The following ZNF880 variants were observed in gnomAD, a reference collection of about 807,000 sequenced individuals.
ZNF880 encodes zinc finger protein 880.
ZNF880 carries 12 observed loss-of-function variants against 11.8 expected under a neutral mutation model. That is an observed-to-expected ratio of 1.02 (90% CI 0.65 to 1.65). The LOEUF (loss-of-function observed/expected upper bound fraction) is 1.65. ZNF880 is among the 40% of genes most tolerant of loss of function. The pLI is 0.00. For synonymous variants in ZNF880, 210 were observed against 232.4 expected, an observed-to-expected ratio of 0.90 and a Z score of 0.88; for missense variants, 601 against 673.9, an observed-to-expected ratio of 0.89 and a Z score of 1.20.
In ZNF880 at chr19:52,373,192, T is replaced by C. The variant is rs201475417; in HGVS notation, c.94T>C (p.Tyr32His). 53 of 1,613,346 alleles carry C rather than the reference T, an allele frequency of 3.3e-5. No homozygotes were observed. In the East Asian group the frequency reaches 1.2e-3, roughly 36 times the overall value. ...KCLDPAQRTL[Y>H]REVMVENYRN... Reference sequence around the variant, plus strand: ...TCTGGACCCTGCTCAGAGGACTTTATACAGGGAAGTGATGGTGGAGAACTA... The same window carrying C: ...TCTGGACCCTGCTCAGAGGACTTTACACAGGGAAGTGATGGTGGAGAACTA... Residue 32 changes from tyrosine (Y) to histidine (H), a missense_variant, in exon 2 of 4, where the codon TAC becomes CAC. By Grantham distance (83) the Tyr-to-His change is moderately conservative. Coordinates refer to ENST00000422689, the MANE Select transcript of ZNF880 (RefSeq NM_001145434.2).
chr19:52,369,990 T>C lies in ZNF880; in HGVS notation c.12+13T>C. The stretch of plus-strand genomic sequence containing the variant: ...CATGCTGCGGCGTGTGAGTTTCCCT[T>C]TGTTTAGATTAAATCTGGGATGCTG... On this transcript the variant is annotated intron_variant, in intron 1 of 3. Coordinates refer to ENST00000422689, the MANE Select transcript of ZNF880 (RefSeq NM_001145434.2). 1 of 1,551,562 alleles carries C rather than the reference T, an allele frequency of 6.4e-7. No individual in the cohort carries two copies.
the ZNF880 span, among the ~76,000 whole-genome samples, chr19:52,395,042 G>A: frequency 1.3e-5 from 2 of 152,134 alleles, no homozygotes; most frequent in Non-Finnish European, 2.9e-5. Context: ...GATATATCCA[G>A]TAACACAGGT....
downstream of ZNF880, among the ~76,000 whole-genome samples, chr19:52,386,172 A>AAC (rs1491362921): frequency 2.4e-5 from 1 of 41,992 alleles, no homozygotes; most frequent in Non-Finnish European, 4.8e-5. Context: ...ACTCTGTCTC[A>AAC]AAAAAAAAAA....
downstream of ZNF880, among the ~76,000 whole-genome samples, chr19:52,386,395 T>C (rs1051958136): frequency 7.0e-6 from 1 of 143,390 alleles, no homozygotes; most frequent in South Asian, 2.2e-4. Context: ...GCACAGTGCT[T>C]CTGTGCTCTA....
At chr19:52,379,384 G>A in intron 3 of ZNF880, 2 of 431,262 alleles carry the variant, frequency 4.6e-6, no homozygotes, top group Non-Finnish European at 9.1e-6. Flanking sequence ...TATAAATTGG[G>A]AATTTATTTT....
At chr19:52,392,674 A>C in the ZNF880 span, 1 of 225,128 alleles carries the variant, frequency 4.4e-6, no homozygotes, top group African/African-American at 2.3e-5. Context: ...TGTCTTCCTG[A>C]CCTGAGTATT....
chr19:52,373,669 ATTTTT>A (rs35788651), intron 2 of ZNF880, among the ~76,000 whole-genome samples: 152 of 102,566 alleles, frequency 1.5e-3, no homozygotes, highest in Admixed American at 4.3e-3. Context: ...AAATACTGTA[ATTTTT>A]TTTTTTTTTT....
upstream of ZNF880, chr19:52,367,112 A>AT (rs1986140583): frequency 2.5e-5 from 3 of 117,930 alleles, no homozygotes; most frequent in Admixed American, 1.1e-4. Context: ...TAAAGTTTAA[A>AT]GTTTTTTTTT....
downstream of ZNF880, chr19:52,388,979 C>T (rs1675147043): frequency 6.6e-6 from 1 of 152,084 alleles, no homozygotes; most frequent in African/African-American, 2.4e-5. Context: ...GGGAAACTGC[C>T]CTTTATAAAA....
At chr19:52,390,019 C>CTATA (rs1038618119), downstream of ZNF880, 2 of 152,412 alleles carry the variant, frequency 1.3e-5, no homozygotes, top group African/African-American at 4.8e-5. Flanking sequence ...GCACCCCACT[C>CTATA]TATACCATTA....
At chr19:52,374,894 C>G (rs535172339) in intron 3 of ZNF880, among the ~76,000 whole-genome samples, 9 of 152,114 alleles carry the variant, frequency 5.9e-5, no homozygotes, top group African/African-American at 2.2e-4. Context: ...GCCATTGCAT[C>G]TTGCTAATTT....
chr19:52,385,465 AATC>A lies in ZNF880; in HGVS notation c.*154_*156del, dbSNP rs1986857214. 1.1e-6 allele frequency: 1 copy of A among 909,862 alleles called. No individual in the cohort carries two copies. The allele number at this position is 909,862 out of a possible 1,614,324, so 56.4% of individuals were successfully genotyped here. Reference sequence around the variant, plus strand: ...CATCAGAGATTCCATACTAAAGAGAAATCATAGCAATGTATGTGAATCAGGTCT... The same window carrying A: ...CATCAGAGATTCCATACTAAAGAGAAATAGCAATGTATGTGAATCAGGTCT... On this transcript the variant is annotated 3_prime_UTR_variant, in exon 4 of 4. Coordinates refer to ENST00000422689, the MANE Select transcript of ZNF880 (RefSeq NM_001145434.2).
chr19:52,383,840 C>A lies in ZNF880; in HGVS notation c.269-9C>A. ...GGGTTGAAGTTCCACTTTTTTCTTT[C>A]TTTTTTAGAGAGCAGCTCTAAATTG... On this transcript the variant is annotated splice_polypyrimidine_tract_variant and intron_variant, in intron 3 of 3. Coordinates refer to ENST00000422689, the MANE Select transcript of ZNF880 (RefSeq NM_001145434.2). The A allele has an allele frequency of 6.6e-7, 1 of 1,513,294 alleles. No homozygotes were observed. The highest frequency in any genetic ancestry group is 2.4e-5 in the Admixed American group (1 of 41,348). The allele number at this position is 1,513,294 out of a possible 1,614,324, so 93.7% of individuals were successfully genotyped here. A position where few individuals can be genotyped will look rare whatever the true frequency, so the allele number is the denominator to read the frequency against.
In ZNF880 at chr19:52,385,600, CATG is replaced by C. The variant is rs1235324072; in HGVS notation, c.*289_*291del. The C allele has an allele frequency of 2.7e-5, 9 of 336,344 alleles. No homozygotes were observed. The highest frequency in any genetic ancestry group is 1.1e-4 in the East Asian group (2 of 18,760). The allele number at this position is 336,344 out of a possible 1,614,324, so 20.8% of individuals were successfully genotyped here. On this transcript the variant is annotated 3_prime_UTR_variant, in exon 4 of 4. Coordinates refer to ENST00000422689, the MANE Select transcript of ZNF880 (RefSeq NM_001145434.2). Reference sequence around the variant, plus strand: ...TTATTCAAGGACCATTACTATGGAACATGATAAGATTTACACAAGCGATAATTC... The same window carrying C: ...TTATTCAAGGACCATTACTATGGAACATAAGATTTACACAAGCGATAATTC...
downstream of ZNF880, among the ~76,000 whole-genome samples, chr19:52,387,272 A>G (rs1242528635): frequency 7.0e-6 from 1 of 143,854 alleles, no homozygotes; most frequent in Non-Finnish European, 1.5e-5. Context: ...AGTATAATTT[A>G]CACTAATCAT....
In ZNF880 at chr19:52,384,347, C is replaced by A. The variant is rs1568664913; in HGVS notation, c.767C>A (p.Ala256Glu). 1.2e-6 allele frequency: 2 copies of A among 1,613,744 alleles called. No individual in the cohort carries two copies. The highest frequency in any genetic ancestry group is 1.7e-4 in the Middle Eastern group (1 of 6,060). Reference sequence around the variant, plus strand: ...CTCTTCAATCGAATTTCACTCCTTGCACGACATCAGAGAATACATACTGGA... The same window carrying A: ...CTCTTCAATCGAATTTCACTCCTTGAACGACATCAGAGAATACATACTGGA... ...GKLFNRISLL[A>E]RHQRIHTGEK... is the part of the protein sequence containing the mutation. Residue 256 changes from alanine (A) to glutamate (E), a missense_variant, in exon 4 of 4, where the codon GCA (alanine) becomes GAA (glutamate). Coordinates refer to ENST00000422689, the MANE Select transcript of ZNF880 (RefSeq NM_001145434.2).
At chr19:52,380,885 C>T (rs1267218101) in intron 3 of ZNF880, among the ~76,000 whole-genome samples, 3 of 151,926 alleles carry the variant, frequency 2.0e-5, no homozygotes, top group Admixed American at 2.0e-4. Context: ...TGCTGTGTTG[C>T]CCAGGCTGGA....
At chr19:52,376,241 G>A (rs546279460) in intron 3 of ZNF880, among the ~76,000 whole-genome samples, 31 of 152,164 alleles carry the variant, frequency 2.0e-4, no homozygotes, top group Non-Finnish European at 3.8e-4. Flanking sequence ...GAATCTCCCC[G>A]CTGTTCTCCA....
At chr19:52,370,197 A>G in intron 1 of ZNF880, 1 of 608,908 alleles carries the variant, frequency 1.6e-6, no homozygotes, top group Non-Finnish European at 2.9e-6. Flanking sequence ...AGGGCCATGT[A>G]GACAGCTCCT....
Sources: gnomAD v4.1 joint callset for allele counts (sites outside exome capture counted in the v4.1 genomes callset) on GRCh38, gnomAD v4.1.1 for gene constraint, MANE v1.5 for transcripts, NCBI Gene and HGNC (gene_info 2026-07-23, HGNC 2026-07-21) for gene names.